SCLT1: variants seen among roughly 807,000 people sequenced by gnomAD.
SCLT1 encodes the protein sodium channel and clathrin linker 1, also known as sodium channel-associated protein 1.
SCLT1 carries 78 observed loss-of-function variants against 112.8 expected under a neutral mutation model. That is an observed-to-expected ratio of 0.69 (90% CI 0.58 to 0.83). SCLT1 has a LOEUF of 0.83. Ranked by LOEUF, SCLT1 falls within the 40% of genes least tolerant of loss-of-function variation. The probability of loss-of-function intolerance (pLI) is 0.00; values close to 1 mark genes in which losing one functional copy is unlikely to be tolerated. For missense variants in SCLT1, 747 were observed against 770.4 expected (o/e 0.97, Z 0.36); for synonymous variants, 257 against 254.7 (o/e 1.01, Z -0.09).
At chr4:129,086,712 A>C (rs1752426098) in intron 1 of SCLT1, among the ~76,000 whole-genome samples, 1 of 152,140 alleles carries the variant, frequency 6.6e-6, no homozygotes, top group Admixed American at 6.5e-5. Flanking sequence ...CAGAAGGACT[A>C]ATGGGCAATG....
At chr4:129,086,458 C>A (rs1358043775) in intron 1 of SCLT1, among the ~76,000 whole-genome samples, 1 of 152,040 alleles carries the variant, frequency 6.6e-6, no homozygotes, top group Non-Finnish European at 1.5e-5. Flanking sequence ...TTTTGTGTAG[C>A]AGTTAAGAAA....
intron 20 of SCLT1, among the ~76,000 whole-genome samples, chr4:128,885,465 C>A (rs958248608): frequency 6.6e-6 from 1 of 152,024 alleles, no homozygotes; most frequent in Non-Finnish European, 1.5e-5. Context: ...TTGTGTTTTT[C>A]TTCTAAATAA....
At chr4:128,930,199 C>G (rs376893791) in intron 18 of SCLT1, among the ~76,000 whole-genome samples, 1 of 152,062 alleles carries the variant, frequency 6.6e-6, no homozygotes, top group South Asian at 2.1e-4. Flanking sequence ...GAATTATTTG[C>G]TCTGAGGGAA....
chr4:129,049,570 G>T (rs1748555579), intron 2 of SCLT1, among the ~76,000 whole-genome samples: 2 of 148,854 alleles, frequency 1.3e-5, no homozygotes, highest in Non-Finnish European at 3.0e-5. Flanking sequence ...CATGGCACAT[G>T]TATACATACG....
At chr4:128,994,077 C>T (rs1189534405) in intron 8 of SCLT1, among the ~76,000 whole-genome samples, 1 of 151,998 alleles carries the variant, frequency 6.6e-6, no homozygotes, top group Non-Finnish European at 1.5e-5. Flanking sequence ...TTTAAGTGTA[C>T]AATACGTTAT....
intron 1 of SCLT1, among the ~76,000 whole-genome samples, chr4:129,083,149 C>A (rs1488658521): frequency 2.7e-4 from 36 of 135,608 alleles, no homozygotes; most frequent in Middle Eastern, 4.9e-3. Context: ...CAAGATCGCA[C>A]CACTGCACCC....
intron 9 of SCLT1, among the ~76,000 whole-genome samples, chr4:128,980,782 GA>G (rs1397227886): frequency 1.3e-5 from 2 of 152,084 alleles, no homozygotes; most frequent in Non-Finnish European, 2.9e-5. Context: ...ATATTAAAAT[GA>G]TTTTTTTTTC....
In SCLT1 at chr4:128,892,507, C is replaced by T. The variant is rs568729709; in HGVS notation, c.1830-1370G>A. ...CAACAGATTAGCACTTCCAAAATAACTTCAGCTTTGATTTTTTTCAAATGA... is the reference window on the plus strand; with the variant it reads ...CAACAGATTAGCACTTCCAAAATAATTTCAGCTTTGATTTTTTTCAAATGA... On this transcript the variant is annotated intron_variant, in intron 18 of 20. Coordinates refer to ENST00000281142, the MANE Select transcript of SCLT1 (RefSeq NM_144643.4). Among the ~76,000 whole-genome samples, 9 of 152,226 alleles carry T rather than the reference C, an allele frequency of 5.9e-5. No individual in the cohort carries two copies. In the East Asian group the frequency reaches 1.7e-3, roughly 29 times the overall value.
chr4:129,093,213 G>A lies in SCLT1; in HGVS notation c.-110C>T. 9.9e-7 allele frequency: 1 copy of A among 1,008,444 alleles called. No individual in the cohort carries two copies. Among genetic ancestry groups the A allele is most frequent in the Non-Finnish European group, 1.6e-6 (1 of 635,596 alleles). 62.5% of individuals were successfully genotyped at this position (1,008,444 alleles called of 1,614,324 possible). Reference sequence around the variant, plus strand: ...AAGCCAACGCTCGGTTGGTTGTCAAGCGCTCCAGCGGTGCAATCTGCATCC... The same window carrying A: ...AAGCCAACGCTCGGTTGGTTGTCAAACGCTCCAGCGGTGCAATCTGCATCC... On this transcript the variant is annotated 5_prime_UTR_variant, in exon 1 of 21. Transcript: ENST00000281142.
chr4:129,042,719 C>T (rs1747806335), intron 4 of SCLT1, among the ~76,000 whole-genome samples: 1 of 152,098 alleles, frequency 6.6e-6, no homozygotes, highest in Admixed American at 6.6e-5. Flanking sequence ...GACCACAGCT[C>T]ACTAAAGCCT....
chr4:128,936,380 T>C (rs558251091), intron 18 of SCLT1, among the ~76,000 whole-genome samples: 1 of 152,118 alleles, frequency 6.6e-6, no homozygotes, highest in Non-Finnish European at 1.5e-5. Flanking sequence ...ATTTCAGGCT[T>C]TGCAGGCGAA....
chr4:128,873,780 G>A (rs1298146417), intron 5 of SCLT1: 1 of 152,462 alleles, frequency 6.6e-6, no homozygotes, highest in African/African-American at 2.4e-5. Flanking sequence ...GTTTCCATAT[G>A]GCAGGGACAT....
intron 9 of SCLT1, among the ~76,000 whole-genome samples, chr4:128,986,819 C>A (rs933343921): frequency 1.1e-4 from 17 of 152,154 alleles, no homozygotes; most frequent in African/African-American, 4.1e-4. Context: ...GTGGTGGCTG[C>A]AGGCCTTGGG....
At chr4:128,905,532 T>TTA (rs397752184) in intron 18 of SCLT1, among the ~76,000 whole-genome samples, 5 of 151,726 alleles carry the variant, frequency 3.3e-5, no homozygotes, top group East Asian at 1.9e-4. Context: ...GACTTTTTTT[T>TTA]AACCTTAAAA....
intron 18 of SCLT1, among the ~76,000 whole-genome samples, chr4:128,898,303 C>G (rs2125931312): frequency 1.3e-5 from 2 of 152,272 alleles, no homozygotes; most frequent in East Asian, 3.9e-4. Context: ...TGTAAAAGAG[C>G]AGAAATTATA....
chr4:129,047,257 G>T (rs1224372183), intron 2 of SCLT1, among the ~76,000 whole-genome samples: 1 of 151,996 alleles, frequency 6.6e-6, no homozygotes, highest in Non-Finnish European at 1.5e-5. Context: ...ATTTAGATAT[G>T]CAATCAATGC....
At chr4:128,967,553 C>G (rs935857925) in intron 10 of SCLT1, among the ~76,000 whole-genome samples, 1 of 152,180 alleles carries the variant, frequency 6.6e-6, no homozygotes, top group South Asian at 2.1e-4. Context: ...GCCATTCTGA[C>G]AGGTGTGAGA....
At chr4:128,886,685 G>T (rs964711690) in intron 20 of SCLT1, among the ~76,000 whole-genome samples, 1 of 152,138 alleles carries the variant, frequency 6.6e-6, no homozygotes, top group African/African-American at 2.4e-5. Context: ...TCGTGAAGTG[G>T]TTACTGACAA....
At chr4:128,998,911 T>C (rs1743230107) in intron 7 of SCLT1, among the ~76,000 whole-genome samples, 1 of 151,916 alleles carries the variant, frequency 6.6e-6, no homozygotes, top group African/African-American at 2.4e-5. Context: ...AACCAACTTA[T>C]TTAAAGAGCT....
Sources: allele counts gnomAD v4.1 joint callset (sites outside exome capture counted in the v4.1 genomes callset), GRCh38; gene constraint gnomAD v4.1.1; transcripts MANE v1.5; gene names NCBI Gene and HGNC (gene_info 2026-07-23, HGNC 2026-07-21).